Variants in SLC25A42 observed in about 807,000 individuals in gnomAD.
SLC25A42 encodes the protein mitochondrial coenzyme A transporter SLC25A42.
In SLC25A42, 19 loss-of-function variants were observed where a neutral mutation model predicts 34.7. The observed-to-expected ratio is 0.55, with a 90% CI of 0.38 to 0.80. The LOEUF is 0.80. Ranked by LOEUF, SLC25A42 falls within the 30% of genes least tolerant of loss-of-function variation. SLC25A42 has a pLI of 0.00. For missense variants in SLC25A42, 364 were observed against 441.3 expected (o/e 0.82, Z 1.57); for synonymous variants, 205 against 191.2 (o/e 1.07, Z -0.59).
intron 3 of SLC25A42, 125 bp downstream of exon 3, chr19:19,102,011 G>GTT: frequency 1.5e-6 from 1 of 657,930 alleles, no homozygotes; most frequent in East Asian, 3.1e-5. Flanking sequence ...AAGGTTTTTT[G>GTT]TTGTTTTTTT....
At chr19:19,106,215 G>C in intron 5 of SLC25A42, 54 bp from the exon 6 acceptor site, 1 of 1,487,816 alleles carries the variant, frequency 6.7e-7, no homozygotes, top group Non-Finnish European at 9.3e-7. Flanking sequence ...CTGGGCCTCT[G>C]TGCATCTGCA....
chr19:19,095,812 G>A (rs749555999), intron 1 of SLC25A42: 5 of 447,816 alleles, frequency 1.1e-5, no homozygotes, highest in Non-Finnish European at 2.1e-5. Flanking sequence ...TGGTAGCTGT[G>A]TGACCTTGGC....
At chr19:19,101,286 G>A (rs564067449) in intron 2 of SLC25A42, among the ~76,000 whole-genome samples, 10 of 152,284 alleles carry the variant, frequency 6.6e-5, no homozygotes, top group Admixed American at 2.6e-4. Flanking sequence ...TGGATGAAGA[G>A]TCATAGATGC....
At chr19:19,106,604 C>A in intron 6 of SLC25A42, 1 of 398,294 alleles carries the variant, frequency 2.5e-6, no homozygotes, top group Non-Finnish European at 4.5e-6. Context: ...AACCAAGGGT[C>A]TTCATTTTGA....
intron 2 of SLC25A42, among the ~76,000 whole-genome samples, chr19:19,099,029 C>T (rs141072248): frequency 2.4e-4 from 37 of 152,310 alleles, no homozygotes; most frequent in African/African-American, 8.4e-4. Context: ...TGGAATATTC[C>T]ATTTGCACAC....
At chr19:19,108,127 C>G in intron 7 of SLC25A42, 82 bp downstream of exon 7, 1 of 1,474,596 alleles carries the variant, frequency 6.8e-7, no homozygotes, top group Non-Finnish European at 9.1e-7. Context: ...TCACATAGAC[C>G]TGGAGACCAG....
At chr19:19,070,991 C>CTTTTTTTTTTTT (rs35787720) in intron 1 of SLC25A42, among the ~76,000 whole-genome samples, 1 of 117,208 alleles carries the variant, frequency 8.5e-6, no homozygotes, top group African/African-American at 3.5e-5. Flanking sequence ...TGCATACCGT[C>CTTTTTTTTTTTT]TTTTTTTTTT....
intron 7 of SLC25A42, among the ~76,000 whole-genome samples, 162 bp from the exon 8 acceptor site, chr19:19,110,407 T>C (rs2059856387): frequency 6.6e-6 from 1 of 152,118 alleles, no homozygotes; most frequent in African/African-American, 2.4e-5. Flanking sequence ...GGTGAGGCAG[T>C]GGGGCGTGTG....
chr19:19,067,084 A>G (rs1033898490), intron 1 of SLC25A42, among the ~76,000 whole-genome samples: 2 of 151,250 alleles, frequency 1.3e-5, no homozygotes, highest in African/African-American at 4.9e-5. Context: ...CTCAACTGTG[A>G]AGTTGGAAAG....
At chr19:19,064,306 T>A (rs1473292959) in intron 1 of SLC25A42, among the ~76,000 whole-genome samples, 191 bp downstream of exon 1, 1 of 147,138 alleles carries the variant, frequency 6.8e-6, no homozygotes, top group Non-Finnish European at 1.5e-5. Flanking sequence ...TGACACCACG[T>A]CCCTTTTCGT....
intron 1 of SLC25A42, among the ~76,000 whole-genome samples, chr19:19,073,818 T>C (rs1397080496): frequency 6.6e-6 from 1 of 152,168 alleles, no homozygotes; most frequent in African/African-American, 2.4e-5. Context: ...AAATGATCCA[T>C]CTGCCTTGGC....
intron 1 of SLC25A42, among the ~76,000 whole-genome samples, chr19:19,072,534 C>A (rs746641769): frequency 6.6e-6 from 1 of 151,806 alleles, no homozygotes; most frequent in African/African-American, 2.4e-5. Flanking sequence ...CCTGCCACCA[C>A]GCCTGGCTAA....
chr19:19,092,963 C>A (rs1218538800), intron 1 of SLC25A42, among the ~76,000 whole-genome samples: 1 of 152,134 alleles, frequency 6.6e-6, no homozygotes, highest in Non-Finnish European at 1.5e-5. Context: ...TGCCGACCCC[C>A]AGCAACCGGC....
chr19:19,110,942 G>T lies in SLC25A42; in HGVS notation c.*66G>T, dbSNP rs910099620. On this transcript the variant is annotated 3_prime_UTR_variant, in exon 8 of 8. Transcript: ENST00000318596. ...CTTTGTATTCTGGGCCCATGGAACG[G>T]TGGGGGGGTGCGCTTGATTCTACTT... 1.3e-6 allele frequency: 2 copies of T among 1,560,556 alleles called. No homozygotes were observed. Among genetic ancestry groups the T allele is most frequent in the East Asian group, 2.3e-5 (1 of 44,196 alleles).
chr19:19,076,335 TG>T (rs1208880771), intron 1 of SLC25A42, among the ~76,000 whole-genome samples: 1 of 149,726 alleles, frequency 6.7e-6, no homozygotes, highest in East Asian at 1.9e-4. Flanking sequence ...CCAGACCTGG[TG>T]GTGTGTGTCT....
chr19:19,105,691 A>G lies in SLC25A42; in HGVS notation c.344A>G (p.Lys115Arg), dbSNP rs767453952. Residue 115 changes from lysine (K) to arginine (R), a missense_variant, in exon 5 of 8, where the codon AAG (lysine) becomes AGG (arginine). Lys to Arg is a conservative substitution (Grantham distance 26). Coordinates refer to ENST00000318596, the MANE Select transcript of SLC25A42 (RefSeq NM_178526.5). ...AIQFSAHEEY[K>R]RILGSYYGFR... Reference sequence around the variant, plus strand: ...CAGTTCAGCGCACACGAGGAGTACAAGCGCATCCTGGGCAGCTACTATGGC... The same window carrying G: ...CAGTTCAGCGCACACGAGGAGTACAGGCGCATCCTGGGCAGCTACTATGGC... 6.2e-7 allele frequency: 1 copy of G among 1,608,076 alleles called. No homozygotes were observed. Among genetic ancestry groups the G allele is most frequent in the Admixed American group, 1.7e-5 (1 of 59,540 alleles).
At chr19:19,100,657 G>A (rs149294621) in intron 2 of SLC25A42, among the ~76,000 whole-genome samples, 151 of 152,166 alleles carry the variant, frequency 9.9e-4, no homozygotes, top group Non-Finnish European at 1.8e-3. Flanking sequence ...CCACCTCCTC[G>A]CGGCACCTTC....
chr19:19,102,294 C>T (rs1350439737), intron 3 of SLC25A42, among the ~76,000 whole-genome samples: 1 of 151,944 alleles, frequency 6.6e-6, no homozygotes, highest in Non-Finnish European at 1.5e-5. Context: ...CAGACTTGAG[C>T]CACCGCCCCC....
chr19:19,082,152 G>A (rs1337091746), intron 1 of SLC25A42, among the ~76,000 whole-genome samples: 1 of 152,164 alleles, frequency 6.6e-6, no homozygotes, highest in Admixed American at 6.5e-5. Flanking sequence ...CACCACAAAT[G>A]TGGAGGCGTA....
Sources: gnomAD v4.1 joint callset for allele counts (sites outside exome capture counted in the v4.1 genomes callset) on GRCh38, gnomAD v4.1.1 for gene constraint, MANE v1.5 for transcripts, NCBI Gene and HGNC (gene_info 2026-07-23, HGNC 2026-07-21) for gene names.